FMNL2: variants seen among roughly 807,000 people sequenced by gnomAD.
FMNL2 encodes formin-like protein 2.
In FMNL2, 51 loss-of-function variants were observed where a neutral mutation model predicts 130.2. The ratio of observed to expected loss-of-function variants is 0.39; its 90% CI spans 0.31 to 0.49. FMNL2 has a LOEUF of 0.49. FMNL2 is among the 20% of genes least tolerant of loss of function. The pLI, the probability that FMNL2 is intolerant of heterozygous loss-of-function variation, is 0.85. For synonymous variants in FMNL2, 465 were observed against 467.1 expected, an observed-to-expected ratio of 1.00 and a Z score of 0.06; for missense variants, 977 against 1,316.2, an observed-to-expected ratio of 0.74 and a Z score of 3.99.
chr2:152,566,068 C>A (rs1279443207), intron 6 of FMNL2, among the ~76,000 whole-genome samples: 1 of 152,180 alleles, frequency 6.6e-6, no homozygotes, highest in Non-Finnish European at 1.5e-5. Context: ...GCATGAGCCA[C>A]CATGCCTAGC....
At chr2:152,360,279 A>G (rs945247542) in intron 1 of FMNL2, among the ~76,000 whole-genome samples, 1 of 152,078 alleles carries the variant, frequency 6.6e-6, no homozygotes, top group South Asian at 2.1e-4. Flanking sequence ...TTTTAGAATC[A>G]GTTGCTTCTT....
intron 9 of FMNL2, 68 bp from the exon 10 acceptor site, chr2:152,607,271 T>C: frequency 1.6e-6 from 2 of 1,284,998 alleles, no homozygotes; most frequent in Non-Finnish European, 1.1e-6. Flanking sequence ...TAAGCTGAAA[T>C]TTCTGCATCT....
At chr2:152,605,572 G>C (rs569898919) in intron 9 of FMNL2, among the ~76,000 whole-genome samples, 4 of 152,108 alleles carry the variant, frequency 2.6e-5, no homozygotes, top group African/African-American at 9.7e-5. Flanking sequence ...CGATCCTCCC[G>C]CTTTGGCCTC....
chr2:152,619,114 C>T lies in FMNL2; in HGVS notation c.1583C>T (p.Pro528Leu). 1.9e-6 allele frequency: 3 copies of T among 1,599,976 alleles called. No homozygotes were observed. Among genetic ancestry groups the T allele is most frequent in the African/African-American group, 1.3e-5 (1 of 74,570 alleles). ...MGAASSGPLP[P>L]PPPPLPPSSD... The stretch of plus-strand genomic sequence containing the variant: ...GCCGCTTCCTCAGGACCCTTGCCCC[C>T]TCCTCCACCACCACTGCCTCCCTCA... The change falls in exon 14 of 26, where the codon CCT becomes CTT. Residue 528 changes from proline to leucine, a missense_variant. This residue lies in a region of FMNL2 where 689 missense variants were observed against 995.9 expected (regional missense o/e 0.69). Transcript: ENST00000288670.
intron 1 of FMNL2, among the ~76,000 whole-genome samples, chr2:152,518,200 CT>C (rs1456771011): frequency 6.6e-6 from 1 of 152,182 alleles, no homozygotes; most frequent in Non-Finnish European, 1.5e-5. Flanking sequence ...CATCCCTGAA[CT>C]TTAACCAGAC....
At chr2:152,529,883 C>T (rs1044421758) in intron 2 of FMNL2, among the ~76,000 whole-genome samples, 21 of 152,092 alleles carry the variant, frequency 1.4e-4, no homozygotes, top group African/African-American at 3.9e-4. Context: ...GTTTGGTATT[C>T]GTTGCCAGAG....
rs1213361650 is a variant in FMNL2 at position 152,525,669 on chromosome 2, G to A, written c.201+3643G>A. On this transcript the variant is annotated intron_variant, in intron 2 of 25. Transcript: ENST00000288670. ...ACAAAACAAAAGATGAGCGTGAAGA[G>A]GTAGCAGGAAATTGTAGCCACTTAG... Among the ~76,000 whole-genome samples the A allele has an allele frequency of 2.0e-5, 3 of 152,326 alleles. 1 individual carries two copies. The highest frequency in any genetic ancestry group is 4.1e-4 in the South Asian group (2 of 4,828).
At chr2:152,364,262 T>TG (rs1491097206) in intron 1 of FMNL2, among the ~76,000 whole-genome samples, 6 of 7,296 alleles carry the variant, frequency 8.2e-4, no homozygotes, top group East Asian at 2.1e-3. Flanking sequence ...GGTTTGTGTG[T>TG]TTTTTTTTTT....
At chr2:152,637,708 C>A (rs756358374) in intron 23 of FMNL2, 34 bp downstream of exon 23, 1 of 1,575,586 alleles carries the variant, frequency 6.3e-7, no homozygotes, top group African/African-American at 1.4e-5. Flanking sequence ...CCTTATTTCT[C>A]AAGCAATTGC....
intron 1 of FMNL2, among the ~76,000 whole-genome samples, chr2:152,348,440 G>A (rs35403838): frequency 0.091 from 13,868 of 152,198 alleles, 735 homozygotes; most frequent in African/African-American, 0.15. Context: ...ATAAGGGAAC[G>A]GTGCCCACTG....
intron 1 of FMNL2, among the ~76,000 whole-genome samples, chr2:152,433,539 A>G (rs2106099527): frequency 6.6e-6 from 1 of 152,296 alleles, no homozygotes; most frequent in East Asian, 1.9e-4. Flanking sequence ...CTAGTGAGTC[A>G]ACTCTTAATG....
chr2:152,570,066 A>G (rs1696092597), intron 6 of FMNL2, among the ~76,000 whole-genome samples: 1 of 152,092 alleles, frequency 6.6e-6, no homozygotes, highest in African/African-American at 2.4e-5. Flanking sequence ...TTTAAAGTCT[A>G]TCACTCATAC....
intron 9 of FMNL2, among the ~76,000 whole-genome samples, chr2:152,589,940 CATATATATATATATATAT>C (rs771625998): frequency 0.27 from 17,967 of 67,068 alleles, 2,282 homozygotes; most frequent in Admixed American, 0.43. Flanking sequence ...TGGCTTTATA[CATATATATATATATATAT>C]ATATATATAT....
At chr2:152,391,720 G>A (rs999145955) in intron 1 of FMNL2, among the ~76,000 whole-genome samples, 1 of 86,484 alleles carries the variant, frequency 1.2e-5, no homozygotes, top group African/African-American at 3.4e-5. Flanking sequence ...TGGAACTATG[G>A]TATCAGATTT....
chr2:152,618,895 T>C lies in FMNL2; in HGVS notation c.1364T>C (p.Val455Ala). The change falls in exon 14 of 26, where the codon GTC becomes GCC. Residue 455 changes from valine (V) to alanine (A), a missense_variant. By Grantham distance (64) the Val-to-Ala change is moderately conservative. Around this residue, in one of 4 missense-constraint regions of FMNL2, gnomAD observed 689 missense variants for 995.9 expected, o/e 0.69. Coordinates refer to ENST00000288670, the MANE Select transcript of FMNL2 (RefSeq NM_052905.4). ...NTQVHTLRKM[V>A]KEKEEAIQRQ... Reference sequence around the variant, plus strand: ...CAAGTTCACACATTAAGAAAAATGGTCAAAGAAAAAGAAGAAGCAATTCAA... The same window carrying C: ...CAAGTTCACACATTAAGAAAAATGGCCAAAGAAAAAGAAGAAGCAATTCAA... The C allele has an allele frequency of 6.2e-7, 1 of 1,610,480 alleles. No individual in the cohort carries two copies. The highest frequency in any genetic ancestry group is 8.5e-7 in the Non-Finnish European group (1 of 1,178,890).
intron 6 of FMNL2, among the ~76,000 whole-genome samples, chr2:152,572,896 G>A (rs1362744616): frequency 6.6e-6 from 1 of 151,886 alleles, no homozygotes; most frequent in East Asian, 1.9e-4. Flanking sequence ...AAATATGCAT[G>A]ATGAAGAATT....
chr2:152,398,029 G>A (rs1310623477), intron 1 of FMNL2, among the ~76,000 whole-genome samples: 3 of 152,148 alleles, frequency 2.0e-5, no homozygotes, highest in Admixed American at 6.5e-5. Flanking sequence ...AGGCTGAGGC[G>A]GGAGAATTGC....
At chr2:152,402,008 T>C (rs562140228) in intron 1 of FMNL2, among the ~76,000 whole-genome samples, 3 of 142,730 alleles carry the variant, frequency 2.1e-5, no homozygotes, top group East Asian at 2.3e-4. Flanking sequence ...CGGGCTCACA[T>C]GCCATTCTCC....
chr2:152,347,930 T>C (rs966967142), intron 1 of FMNL2, among the ~76,000 whole-genome samples: 32 of 150,182 alleles, frequency 2.1e-4, no homozygotes, highest in Non-Finnish European at 3.7e-4. Flanking sequence ...ACTTGGAAGT[T>C]TTTTTTTTTT....
Sources: gnomAD v4.1 joint callset for allele counts (sites outside exome capture counted in the v4.1 genomes callset) on GRCh38, gnomAD v4.1.1 for gene constraint, gnomAD v4.1.1 regional missense constraint, MANE v1.5 for transcripts, NCBI Gene and HGNC (gene_info 2026-07-23, HGNC 2026-07-21) for gene names.